MAF: variants seen among roughly 807,000 people sequenced by gnomAD.
The protein encoded by MAF is MAF bZIP transcription factor, also known as transcription factor Maf.
In MAF, 10 loss-of-function variants were observed where a neutral mutation model predicts 22.0. The ratio of observed to expected loss-of-function variants is 0.45; its 90% confidence interval spans 0.28 to 0.77. MAF has a LOEUF of 0.77. Ranked by LOEUF, MAF falls within the 30% of genes least tolerant of loss-of-function variation. The pLI, the probability that MAF is intolerant of heterozygous loss-of-function variation, is 0.12. For synonymous variants in MAF, 337 were observed against 255.8 expected (o/e 1.32, Z -3.03); for missense variants, 544 against 548.4 (o/e 0.99, Z 0.08).
At chr16:79,432,165 A>C in the MAF span, among the ~76,000 whole-genome samples, 1 of 152,156 alleles carries the variant, frequency 6.6e-6, no homozygotes, top group South Asian at 2.1e-4. Context: ...GTGAGTTCTC[A>C]TGAGATCTGA....
the MAF span, among the ~76,000 whole-genome samples, chr16:79,572,347 T>G: frequency 6.6e-6 from 1 of 152,188 alleles, no homozygotes; most frequent in Non-Finnish European, 1.5e-5. Flanking sequence ...CATGTAGTTC[T>G]TTGAAAAATG....
At chr16:79,344,390 G>T in the MAF span, among the ~76,000 whole-genome samples, 1 of 152,170 alleles carries the variant, frequency 6.6e-6, no homozygotes, top group Admixed American at 6.5e-5. Context: ...ATCTCTTGGG[G>T]TCCTAGTTAA....
chr16:79,594,849 C>T (rs1337594527), intron 1 of MAF: 2 of 1,227,152 alleles, frequency 1.6e-6, no homozygotes, highest in East Asian at 3.6e-5. Context: ...TTGCCAGCAC[C>T]TTTGCATTTG....
the MAF span, among the ~76,000 whole-genome samples, chr16:79,221,923 T>G: frequency 1.3e-5 from 2 of 152,234 alleles, no homozygotes; most frequent in African/African-American, 4.8e-5. Context: ...CTTTGATTTT[T>G]TTTCATTAGC....
chr16:79,558,139 G>A, the MAF span, among the ~76,000 whole-genome samples: 2 of 150,826 alleles, frequency 1.3e-5, no homozygotes, highest in African/African-American at 2.5e-5. Context: ...TGGAGAGAGT[G>A]GGTCTTGGGT....
chr16:79,204,551 A>T, the MAF span: 3 of 152,194 alleles, frequency 2.0e-5, no homozygotes, highest in Non-Finnish European at 4.4e-5. Context: ...ATCCTTTGGA[A>T]CATCGATGGC....
the MAF span, among the ~76,000 whole-genome samples, chr16:79,230,591 CTG>C: frequency 6.6e-6 from 1 of 152,164 alleles, no homozygotes; most frequent in South Asian, 2.1e-4. Context: ...CAGCACAACA[CTG>C]TGCCTCTCCA....
At chr16:79,556,982 T>TA in the MAF span, among the ~76,000 whole-genome samples, 11 of 109,214 alleles carry the variant, frequency 1.0e-4, no homozygotes, top group Non-Finnish European at 2.2e-4. Context: ...ACAACAAGCT[T>TA]TAAAAAAAAA....
the MAF span, among the ~76,000 whole-genome samples, chr16:79,246,417 T>C: frequency 5.3e-5 from 8 of 151,988 alleles, no homozygotes; most frequent in African/African-American, 1.5e-4. Context: ...ATCTTTCTTA[T>C]TTCATGGGCC....
At chr16:79,551,115 G>C in the MAF span, among the ~76,000 whole-genome samples, 1 of 152,062 alleles carries the variant, frequency 6.6e-6, no homozygotes, top group Non-Finnish European at 1.5e-5. Context: ...CTCCTTCCTT[G>C]AGGAACTACT....
At chr16:79,594,595 A>G in intron 1 of MAF, 42 bp from the exon 2 acceptor site, 1 of 1,551,806 alleles carries the variant, frequency 6.4e-7, no homozygotes. Flanking sequence ...ATTTAGACAA[A>G]GATCAAACGC....
At chr16:79,375,819 C>A in the MAF span, among the ~76,000 whole-genome samples, 1 of 152,168 alleles carries the variant, frequency 6.6e-6, no homozygotes, top group African/African-American at 2.4e-5. Context: ...CCAGTTCACT[C>A]CCTTGTGGTT....
At chr16:79,208,565 A>G in the MAF span, among the ~76,000 whole-genome samples, 4 of 152,160 alleles carry the variant, frequency 2.6e-5, no homozygotes, top group Middle Eastern at 3.2e-3. Flanking sequence ...TTTCTGCATT[A>G]TGAACTGATG....
At chr16:79,480,926 G>T in the MAF span, among the ~76,000 whole-genome samples, 1 of 152,168 alleles carries the variant, frequency 6.6e-6, no homozygotes, top group African/African-American at 2.4e-5. Context: ...TGGGTGGGCA[G>T]TTGTGCTTGG....
the MAF span, among the ~76,000 whole-genome samples, chr16:79,235,528 C>T: frequency 4.6e-5 from 7 of 151,396 alleles, no homozygotes; most frequent in African/African-American, 1.7e-4. Flanking sequence ...GCATTCCACA[C>T]TGTCTCTAAA....
the MAF span, among the ~76,000 whole-genome samples, chr16:79,535,126 G>A: frequency 1.8e-5 from 1 of 56,480 alleles, no homozygotes; most frequent in South Asian, 6.0e-4. Context: ...GAAAGGTGAA[G>A]CTCTCTAACG....
the MAF span, among the ~76,000 whole-genome samples, chr16:79,578,144 A>G: frequency 6.6e-6 from 1 of 152,232 alleles, no homozygotes; most frequent in Non-Finnish European, 1.5e-5. Context: ...ATTTAAAATG[A>G]TCACTTTTTT....
the MAF span, chr16:79,204,699 C>T: frequency 6.6e-6 from 1 of 152,212 alleles, no homozygotes; most frequent in African/African-American, 2.4e-5. Flanking sequence ...TGCTGATAGC[C>T]CAAGTTAACA....
the MAF span, among the ~76,000 whole-genome samples, chr16:79,567,618 G>C: frequency 1.3e-5 from 2 of 152,128 alleles, no homozygotes; most frequent in East Asian, 1.9e-4. Context: ...AATAAAGTGA[G>C]GGCTTCAGAA....
Sources: gnomAD v4.1 joint callset for allele counts (sites outside exome capture counted in the v4.1 genomes callset) on GRCh38, gnomAD v4.1.1 for gene constraint, MANE v1.5 for transcripts, NCBI Gene and HGNC (gene_info 2026-07-23, HGNC 2026-07-21) for gene names.